CEP112: variants seen among roughly 807,000 people sequenced by gnomAD.
CEP112 encodes the protein centrosomal protein of 112 kDa.
A neutral mutation model predicts 153.0 loss-of-function variants in CEP112; 127 were observed. That is an observed-to-expected ratio of 0.83 (90% CI 0.72 to 0.96). CEP112 has a LOEUF of 0.96. CEP112 is among the 40% of genes least tolerant of loss of function. The probability of loss-of-function intolerance (pLI) is 0.00; values close to 1 mark genes in which losing one functional copy is unlikely to be tolerated. For synonymous variants in CEP112, 358 were observed against 374.4 expected, an observed-to-expected ratio of 0.96 and a Z score of 0.51; for missense variants, 1,089 against 1,101.2, an observed-to-expected ratio of 0.99 and a Z score of 0.16.
chr17:65,850,877 C>T (rs990515027), intron 21 of CEP112, among the ~76,000 whole-genome samples: 1 of 152,132 alleles, frequency 6.6e-6, no homozygotes, highest in Admixed American at 6.5e-5. Context: ...AGTCCTTTTT[C>T]CTATTTATTT....
chr17:65,890,093 A>G (rs1429663325), intron 20 of CEP112, among the ~76,000 whole-genome samples: 1 of 152,258 alleles, frequency 6.6e-6, no homozygotes, highest in African/African-American at 2.4e-5. Flanking sequence ...TTTAAAGACA[A>G]AATTCAAACA....
At chr17:65,723,732 G>T (rs1305372331) in intron 23 of CEP112, among the ~76,000 whole-genome samples, 1 of 152,166 alleles carries the variant, frequency 6.6e-6, no homozygotes, top group Non-Finnish European at 1.5e-5. Flanking sequence ...ATATTTTACA[G>T]TGTAGTTTAT....
chr17:66,038,947 G>A lies in CEP112; in HGVS notation c.1219-8924C>T, dbSNP rs16958865. 9.2e-3 allele frequency among the ~76,000 whole-genome samples: 1,404 copies of A among 152,188 alleles called. 24 individuals are homozygous for A. Among genetic ancestry groups the A allele is most frequent in the African/African-American group, 0.032 (1,324 of 41,518 alleles). ...GAAGAGTCAGGAATGAGGCAACAAC[G>A]GCCAGGACTCAATTGGTAGCTGTGG... On this transcript the variant is annotated intron_variant, in intron 12 of 26. Coordinates refer to ENST00000535342, the MANE Select transcript of CEP112 (RefSeq NM_001199165.4).
In CEP112 at chr17:65,644,487, G is replaced by C. The variant is rs531876813; in HGVS notation, c.2698-3422C>G. 2.5e-5 allele frequency: 9 copies of C among 354,716 alleles called. 1 individual carries two copies. Among genetic ancestry groups the C allele is most frequent in the African/African-American group, 1.1e-4 (5 of 47,148 alleles). The allele number at this position is 354,716 out of a possible 1,614,324, so 22.0% of individuals were successfully genotyped here. A position where few individuals can be genotyped will look rare whatever the true frequency, so the allele number is the denominator to read the frequency against. ...TCTTCTCACGTGAAACTGGATGGCA[G>C]CCAGCTCATACAGGTTAATTTGGAC... is the stretch of plus-strand genomic sequence containing the variant. On this transcript the variant is annotated intron_variant, in intron 24 of 26. Coordinates refer to ENST00000535342, the MANE Select transcript of CEP112 (RefSeq NM_001199165.4).
chr17:65,989,069 A>G (rs1461794403), intron 17 of CEP112, among the ~76,000 whole-genome samples: 6 of 151,494 alleles, frequency 4.0e-5, no homozygotes, highest in African/African-American at 7.3e-5. Flanking sequence ...TACTAAAAAT[A>G]CAAAAAAATT....
chr17:66,104,771 CA>C (rs971716319), intron 6 of CEP112, among the ~76,000 whole-genome samples: 3 of 152,206 alleles, frequency 2.0e-5, no homozygotes, highest in Admixed American at 6.5e-5. Flanking sequence ...AGGGGCATGA[CA>C]TATTTAAAGT....
intron 25 of CEP112, among the ~76,000 whole-genome samples, chr17:65,638,332 G>A (rs1414027694): frequency 1.3e-5 from 2 of 152,204 alleles, no homozygotes; most frequent in African/African-American, 2.4e-5. Flanking sequence ...CTTATACCAT[G>A]GCTTAATGTA....
intron 24 of CEP112, chr17:65,644,259 G>A: frequency 1.7e-6 from 1 of 601,330 alleles, no homozygotes; most frequent in Non-Finnish European, 3.0e-6. Context: ...ATCCTTATCT[G>A]TTTAGAATGT....
At chr17:65,827,963 G>T (rs956267597) in intron 21 of CEP112, among the ~76,000 whole-genome samples, 1 of 152,140 alleles carries the variant, frequency 6.6e-6, no homozygotes, top group African/African-American at 2.4e-5. Context: ...GAGTCTCCCT[G>T]AATCTTCTCT....
At position 65,927,616 on chromosome 17, in the gene CEP112, T is replaced by G. The variant is rs772581000; in HGVS notation, c.1946A>C (p.Gln649Pro). ...ATACCGCTGTCTGATGTCCTCCAGT[T>G]GCCATAAAAACTCCTTTGATTGTTT... Reference protein sequence around the residue: ...REKQSKEFLWQLEDIRQRYEQ... With the variant: ...REKQSKEFLWPLEDIRQRYEQ... The change falls in exon 19 of 27, where the codon CAA (glutamine) becomes CCA (proline). Residue 649 changes from glutamine (Q) to proline (P), a missense_variant. Physicochemically the swap from Gln to Pro is moderately conservative, Grantham distance 76 (BLOSUM62 -1). Transcript: ENST00000535342. 1 of 1,602,522 alleles carries G rather than the reference T, an allele frequency of 6.2e-7. No individual in the cohort carries two copies. Among genetic ancestry groups the G allele is most frequent in the Non-Finnish European group, 8.5e-7 (1 of 1,176,560 alleles).
At chr17:65,779,589 T>C (rs762665487) in intron 21 of CEP112, among the ~76,000 whole-genome samples, 1 of 152,162 alleles carries the variant, frequency 6.6e-6, no homozygotes, top group Non-Finnish European at 1.5e-5. Flanking sequence ...CTAGTTTAAA[T>C]AGCAAAACAT....
At chr17:65,679,112 T>C (rs1321836683) in intron 24 of CEP112, among the ~76,000 whole-genome samples, 1 of 141,836 alleles carries the variant, frequency 7.1e-6, no homozygotes, top group Non-Finnish European at 1.5e-5. Context: ...CTAATGTCCT[T>C]GACACTGTGG....
intron 21 of CEP112, among the ~76,000 whole-genome samples, chr17:65,816,328 T>C (rs2056261508): frequency 6.6e-6 from 1 of 151,980 alleles, no homozygotes; most frequent in Non-Finnish European, 1.5e-5. Context: ...GAACAGGTGG[T>C]GTTTGGTTAC....
intron 24 of CEP112, among the ~76,000 whole-genome samples, chr17:65,642,648 T>G (rs1349261400): frequency 6.6e-6 from 1 of 152,176 alleles, no homozygotes; most frequent in Non-Finnish European, 1.5e-5. Context: ...GTCTACTGAT[T>G]TTTCTCACCT....
intron 17 of CEP112, among the ~76,000 whole-genome samples, chr17:65,979,542 T>C (rs55942108): frequency 0.065 from 9,844 of 152,208 alleles, 457 homozygotes; most frequent in South Asian, 0.12. Flanking sequence ...TGTCTGGCCT[T>C]AGGCTCTTTC....
chr17:66,186,123 C>G (rs2072923452), intron 1 of CEP112, among the ~76,000 whole-genome samples: 1 of 151,944 alleles, frequency 6.6e-6, no homozygotes, highest in Non-Finnish European at 1.5e-5. Flanking sequence ...AAAACACTTA[C>G]CAAGATCCAT....
chr17:65,676,349 A>C (rs1256120218), intron 24 of CEP112, among the ~76,000 whole-genome samples: 1 of 151,886 alleles, frequency 6.6e-6, no homozygotes, highest in African/African-American at 2.4e-5. Flanking sequence ...AAAAAAAAGA[A>C]GCCATTAAAA....
At chr17:65,719,065 A>G (rs903871509) in intron 23 of CEP112, among the ~76,000 whole-genome samples, 14 of 152,254 alleles carry the variant, frequency 9.2e-5, no homozygotes, top group South Asian at 2.1e-4. Flanking sequence ...ACATCACTGA[A>G]GAAAGAAAGT....
chr17:65,792,581 C>CT (rs1310220895), intron 21 of CEP112, among the ~76,000 whole-genome samples: 7 of 10,664 alleles, frequency 6.6e-4, no homozygotes, highest in East Asian at 7.8e-3. Context: ...GCTAAAAACT[C>CT]TTTAAAAAAA....
Sources: gnomAD v4.1 joint callset for allele counts (sites outside exome capture counted in the v4.1 genomes callset) on GRCh38, gnomAD v4.1.1 for gene constraint, MANE v1.5 for transcripts, NCBI Gene and HGNC (gene_info 2026-07-23, HGNC 2026-07-21) for gene names.